The following MYO1D variants were observed in gnomAD, a reference collection of about 807,000 sequenced individuals.
MYO1D encodes the protein unconventional myosin-Id.
MYO1D carries 83 observed loss-of-function variants against 122.0 expected under a neutral mutation model. That is an observed-to-expected ratio of 0.68 (90% CI 0.57 to 0.82). The LOEUF (loss-of-function observed/expected upper bound fraction) is 0.82, where lower values mean the gene tolerates loss of function less well. MYO1D is among the 40% of genes least tolerant of loss of function. MYO1D has a pLI of 0.00. For missense variants in MYO1D, 1,157 were observed against 1,269.5 expected, an observed-to-expected ratio of 0.91 and a Z score of 1.35; for synonymous variants, 464 against 446.9, an observed-to-expected ratio of 1.04 and a Z score of -0.48.
At chr17:32,775,361 T>A (rs922471799) in intron 4 of MYO1D, among the ~76,000 whole-genome samples, 1 of 152,132 alleles carries the variant, frequency 6.6e-6, no homozygotes, top group African/African-American at 2.4e-5. Context: ...AAAATTCTAA[T>A]TGGAATCCTC....
At chr17:32,525,119 A>T (rs1006653985) in intron 21 of MYO1D, among the ~76,000 whole-genome samples, 16 of 152,230 alleles carry the variant, frequency 1.1e-4, no homozygotes, top group African/African-American at 3.9e-4. Context: ...ACCATCTGTC[A>T]AATGGGCACC....
intron 20 of MYO1D, chr17:32,627,888 C>T (rs1015551609): frequency 6.6e-6 from 1 of 152,104 alleles, no homozygotes; most frequent in African/African-American, 2.4e-5. Context: ...ATCTTGGCAA[C>T]CTGCTCCATG....
intron 19 of MYO1D, among the ~76,000 whole-genome samples, chr17:32,646,065 G>A (rs1470158815): frequency 6.6e-6 from 1 of 152,000 alleles, no homozygotes; most frequent in Non-Finnish European, 1.5e-5. Flanking sequence ...TGATGGTGAC[G>A]TACAGATGGG....
chr17:32,865,229 T>G (rs1598166249), intron 1 of MYO1D, among the ~76,000 whole-genome samples: 11 of 152,370 alleles, frequency 7.2e-5, no homozygotes, highest in Admixed American at 3.3e-4. Context: ...GACTTTATAC[T>G]GGACACAAAG....
chr17:32,765,958 C>T (rs1439795104), intron 7 of MYO1D, among the ~76,000 whole-genome samples: 1 of 152,096 alleles, frequency 6.6e-6, no homozygotes, highest in Non-Finnish European at 1.5e-5. Context: ...CCATGGCTCA[C>T]TGCAGCCTCA....
chr17:32,836,548 C>T (rs1233066978), intron 1 of MYO1D, among the ~76,000 whole-genome samples: 3 of 152,158 alleles, frequency 2.0e-5, no homozygotes, highest in Non-Finnish European at 2.9e-5. Flanking sequence ...CCTACTCTTC[C>T]ATCAAATCAG....
chr17:32,856,038 G>T (rs991288714), intron 1 of MYO1D, among the ~76,000 whole-genome samples: 1 of 152,104 alleles, frequency 6.6e-6, no homozygotes, highest in African/African-American at 2.4e-5. Context: ...TAAACAAAAT[G>T]TATCTTAGTT....
intron 21 of MYO1D, among the ~76,000 whole-genome samples, chr17:32,517,656 C>T (rs1423699105): frequency 1.3e-5 from 2 of 152,142 alleles, no homozygotes; most frequent in Non-Finnish European, 1.5e-5. Flanking sequence ...GCATCACCCT[C>T]CCTGGGAACG....
At chr17:32,656,765 C>T (rs1017453947) in intron 17 of MYO1D, among the ~76,000 whole-genome samples, 6 of 152,200 alleles carry the variant, frequency 3.9e-5, no homozygotes, top group Non-Finnish European at 2.9e-5. Flanking sequence ...AAGTCAAGGA[C>T]GCTGTGACAG....
intron 21 of MYO1D, among the ~76,000 whole-genome samples, chr17:32,556,174 C>T (rs142935851): frequency 6.6e-6 from 1 of 152,354 alleles, no homozygotes; most frequent in East Asian, 1.9e-4. Context: ...GGAAGACCAA[C>T]TGCTTTGTAA....
chr17:32,739,795 A>C (rs912648938), intron 13 of MYO1D, among the ~76,000 whole-genome samples: 1 of 152,182 alleles, frequency 6.6e-6, no homozygotes, highest in Non-Finnish European at 1.5e-5. Context: ...ATATTTCTGT[A>C]TGTAGGTGCT....
At chr17:32,529,984 T>C (rs960324136) in intron 21 of MYO1D, 2 of 152,202 alleles carry the variant, frequency 1.3e-5, no homozygotes, top group African/African-American at 4.8e-5. Flanking sequence ...TCATTACCAG[T>C]CTGCATCACC....
intron 20 of MYO1D, among the ~76,000 whole-genome samples, chr17:32,635,580 C>G (rs2088086859): frequency 6.6e-6 from 1 of 152,078 alleles, no homozygotes; most frequent in South Asian, 2.1e-4. Context: ...GTAATCTCAG[C>G]TACTTGGGAG....
intron 1 of MYO1D, among the ~76,000 whole-genome samples, chr17:32,852,565 A>C (rs930694483): frequency 3.3e-5 from 5 of 152,202 alleles, no homozygotes; most frequent in Admixed American, 3.3e-4. Flanking sequence ...TAATACTAAT[A>C]TGCTACTATG....
intron 15 of MYO1D, among the ~76,000 whole-genome samples, chr17:32,719,295 T>A (rs984871985): frequency 6.6e-5 from 10 of 151,960 alleles, no homozygotes; most frequent in African/African-American, 2.2e-4. Context: ...GAAGGCACTG[T>A]CATCAAGCCC....
chr17:32,688,549 T>G (rs914304825), intron 16 of MYO1D, among the ~76,000 whole-genome samples: 2 of 152,158 alleles, frequency 1.3e-5, no homozygotes, highest in Non-Finnish European at 2.9e-5. Context: ...AGAATCGAAC[T>G]TGAAGAACAC....
At chr17:32,828,286 T>G (rs1196088261) in intron 1 of MYO1D, among the ~76,000 whole-genome samples, 1 of 151,194 alleles carries the variant, frequency 6.6e-6, no homozygotes, top group Non-Finnish European at 1.5e-5. Context: ...GGAGGCCGAG[T>G]CGGGCGGATC....
intron 20 of MYO1D, among the ~76,000 whole-genome samples, chr17:32,634,463 T>G (rs2088069477): frequency 6.6e-6 from 1 of 152,156 alleles, no homozygotes; most frequent in Non-Finnish European, 1.5e-5. Flanking sequence ...GTGTGCCCAT[T>G]AAAGTTAGTT....
intron 21 of MYO1D, among the ~76,000 whole-genome samples, chr17:32,542,511 T>C (rs9908492): frequency 0.093 from 14,040 of 151,610 alleles, 1,974 homozygotes; most frequent in African/African-American, 0.3. Flanking sequence ...TGTCCAAACA[T>C]GTGTATTAAT....
Sources: allele counts gnomAD v4.1 joint callset (sites outside exome capture counted in the v4.1 genomes callset), GRCh38; gene constraint gnomAD v4.1.1; transcripts MANE v1.5; gene names NCBI Gene and HGNC (gene_info 2026-07-23, HGNC 2026-07-21).